The following LRRK1 variants were observed in gnomAD, a reference collection of about 807,000 sequenced individuals.
LRRK1 encodes leucine rich repeat kinase 1.
A neutral mutation model predicts 209.1 loss-of-function variants in LRRK1; 113 were observed. That is an observed-to-expected ratio of 0.54 (90% CI 0.46 to 0.63). LRRK1 has a LOEUF of 0.63. LRRK1 is among the 30% of genes least tolerant of loss of function. The pLI, the probability that LRRK1 is intolerant of heterozygous loss-of-function variation, is 0.00. For missense variants in LRRK1, 2,284 were observed against 2,632.2 expected (o/e 0.87, Z 2.89); for synonymous variants, 1,144 against 1,099.7 (o/e 1.04, Z -0.80).
At position 101,012,088 on chromosome 15, in the gene LRRK1, T is replaced by C; in HGVS notation, c.1362T>C (p.Asp454=). The C allele has an allele frequency of 2.5e-6, 4 of 1,613,294 alleles. No individual in the cohort carries two copies. The highest frequency in any genetic ancestry group is 2.5e-6 in the Non-Finnish European group (3 of 1,179,616). The part of the protein sequence containing the change: ...MAVFWKNHLK[D]VDFSENALKE... ...TCTTTTGGAAAAATCACCTGAAGGA[T>C]GTGGATTTCTCAGAAAACGCACTCA... The change falls in exon 10 of 34, where the codon GAT becomes GAC. Residue 454 remains aspartate (D), a synonymous_variant. Coordinates refer to ENST00000388948, the MANE Select transcript of LRRK1 (RefSeq NM_024652.6).
chr15:100,968,369 G>A (rs75612594), intron 2 of LRRK1, among the ~76,000 whole-genome samples: 4 of 152,084 alleles, frequency 2.6e-5, no homozygotes, highest in Non-Finnish European at 4.4e-5. Flanking sequence ...GAATTTATGG[G>A]TCACAGGGTA....
chr15:101,051,673 C>A (rs1596326593), intron 23 of LRRK1, 38 bp from the exon 24 acceptor site: 1 of 1,599,896 alleles, frequency 6.3e-7, no homozygotes, highest in South Asian at 1.1e-5. Context: ...CCTGCACCAC[C>A]TTCTTGTGAA....
rs2036677988 is a variant in LRRK1 at position 101,068,921 on chromosome 15, C to T, written c.*73C>T. On this transcript the variant is annotated 3_prime_UTR_variant, in exon 34 of 34. Transcript: ENST00000388948. ...GCAGCCTGACCCCTCTGCCATCGGC[C>T]TCTAGTTCTCCAAGGACCTAGAAGA... is the stretch of plus-strand genomic sequence containing the variant. The T allele has an allele frequency of 2.1e-6, 3 of 1,410,934 alleles. No homozygotes were observed. Among genetic ancestry groups the T allele is most frequent in the Non-Finnish European group, 1.9e-6 (2 of 1,046,256 alleles). 87.4% of individuals were successfully genotyped at this position (1,410,934 alleles called of 1,614,324 possible). A position where few individuals can be genotyped will look rare whatever the true frequency, so the allele number is the denominator to read the frequency against.
At chr15:100,954,166 G>A (rs775448226) in intron 2 of LRRK1, among the ~76,000 whole-genome samples, 17 of 151,964 alleles carry the variant, frequency 1.1e-4, no homozygotes, top group Non-Finnish European at 2.2e-4. Context: ...TGCCCGCCTC[G>A]GCCTCCCAAA....
chr15:100,965,796 G>T (rs1331935020), intron 2 of LRRK1, among the ~76,000 whole-genome samples: 1 of 152,064 alleles, frequency 6.6e-6, no homozygotes, highest in African/African-American at 2.4e-5. Flanking sequence ...TTAAAAGCAA[G>T]TAAGATGCCT....
At chr15:101,067,114 C>A (rs2036574593) in intron 33 of LRRK1, 1 of 369,268 alleles carries the variant, frequency 2.7e-6, no homozygotes, top group East Asian at 7.2e-5. Flanking sequence ...TCCACCAGCC[C>A]ACACAGCACC....
chr15:100,951,531 G>GA (rs113799646), intron 2 of LRRK1, among the ~76,000 whole-genome samples: 11,288 of 152,074 alleles, frequency 0.074, 781 homozygotes, highest in African/African-American at 0.18. Context: ...CCAAAAAGTG[G>GA]AAAAACCCAA....
At chr15:100,991,283 T>G (rs1165862132) in intron 6 of LRRK1, among the ~76,000 whole-genome samples, 1 of 152,234 alleles carries the variant, frequency 6.6e-6, no homozygotes, top group Admixed American at 6.5e-5. Context: ...TTCTGTTCAT[T>G]AGTTTTTTTC....
At chr15:101,016,538 T>C (rs959288140) in intron 12 of LRRK1, among the ~76,000 whole-genome samples, 1 of 152,146 alleles carries the variant, frequency 6.6e-6, no homozygotes, top group African/African-American at 2.4e-5. Context: ...CCTCATGACC[T>C]CATCTAAACC....
chr15:101,007,026 C>T (rs977445932), intron 6 of LRRK1, among the ~76,000 whole-genome samples: 18 of 152,234 alleles, frequency 1.2e-4, no homozygotes, highest in African/African-American at 4.1e-4. Flanking sequence ...ACAGACAGAG[C>T]GACAGAGTCC....
intron 1 of LRRK1, among the ~76,000 whole-genome samples, chr15:100,924,040 G>A (rs370655074): frequency 4.3e-4 from 65 of 152,294 alleles, no homozygotes; most frequent in African/African-American, 1.5e-3. Flanking sequence ...TTGGGATGAC[G>A]TGCTCACCTC....
At chr15:101,021,820 T>G (rs2033809193) in intron 13 of LRRK1, 25 bp from the exon 14 acceptor site, 1 of 1,393,384 alleles carries the variant, frequency 7.2e-7, no homozygotes, top group African/African-American at 1.4e-5. Flanking sequence ...GTGTATTCTC[T>G]CGTGGTGGAC....
rs117411853 is a variant in LRRK1, at chr15:101,033,865, T to C, written c.2963+4633T>C. 7.2e-3 allele frequency among the ~76,000 whole-genome samples: 1,102 copies of C among 152,362 alleles called. 16 individuals carry two copies. The highest frequency in any genetic ancestry group is 0.031 in the Middle Eastern group (9 of 294). The stretch of plus-strand genomic sequence containing the variant: ...ATACTATTTTCCACAGAGGCTGTAC[T>C]AATTTACATTACAGCCAACAGCGTA... On this transcript the variant is annotated intron_variant, in intron 20 of 33. Transcript: ENST00000388948.
chr15:100,991,902 T>G (rs544313926), intron 6 of LRRK1, among the ~76,000 whole-genome samples: 24 of 152,336 alleles, frequency 1.6e-4, no homozygotes, highest in Non-Finnish European at 2.8e-4. Flanking sequence ...TTTGAGTTTT[T>G]ATTAGGAAAC....
rs1044457350 is a variant in LRRK1 at position 101,075,590 on chromosome 15, T to C, written c.*6742T>C. On this transcript the variant is annotated 3_prime_UTR_variant, in exon 34 of 34. Coordinates refer to ENST00000388948, the MANE Select transcript of LRRK1 (RefSeq NM_024652.6). ...CTGTTATCACTCTCCTGCTACAGCATGGCCTTTTAAAGCCTATAAACTCTC... is the reference window on the plus strand; with the variant it reads ...CTGTTATCACTCTCCTGCTACAGCACGGCCTTTTAAAGCCTATAAACTCTC... The C allele has an allele frequency of 7.5e-5, 11 of 146,916 alleles. No homozygotes were observed. The highest frequency in any genetic ancestry group is 6.0e-4 in the Admixed American group (9 of 15,030). 9.1% of individuals were successfully genotyped at this position (146,916 alleles called of 1,614,324 possible).
At chr15:101,019,693 G>C (rs575218733) in intron 12 of LRRK1, among the ~76,000 whole-genome samples, 1 of 152,172 alleles carries the variant, frequency 6.6e-6, no homozygotes, top group Non-Finnish European at 1.5e-5. Context: ...AAAGAACTCC[G>C]GCTTCTCTAT....
At chr15:100,950,856 C>T (rs1455933158) in intron 2 of LRRK1, among the ~76,000 whole-genome samples, 1 of 152,250 alleles carries the variant, frequency 6.6e-6, no homozygotes, top group African/African-American at 2.4e-5. Flanking sequence ...GTCATCCCAG[C>T]ACTTTGGGAG....
intron 4 of LRRK1, among the ~76,000 whole-genome samples, chr15:100,987,360 C>T (rs1039693993): frequency 2.0e-5 from 3 of 152,088 alleles, no homozygotes; most frequent in African/African-American, 4.8e-5. Context: ...AAGATGAGGT[C>T]ATTTTTCCAT....
rs115623955 is a variant in LRRK1 at position 101,004,195 on chromosome 15, G to A, written c.763-4642G>A. ...TGCCAGTAGGAAGGCAAAGGGCATCGCTATAGATCAGAGGCTGCTCTGGGT... is the reference window on the plus strand; with the variant it reads ...TGCCAGTAGGAAGGCAAAGGGCATCACTATAGATCAGAGGCTGCTCTGGGT... On this transcript the variant is annotated intron_variant, in intron 6 of 33. Transcript: ENST00000388948. 2.4e-3 allele frequency among the ~76,000 whole-genome samples: 366 copies of A among 152,232 alleles called. 2 individuals carry two copies. Among genetic ancestry groups the A allele is most frequent in the African/African-American group, 8.3e-3 (343 of 41,522 alleles).
Sources: allele counts gnomAD v4.1 joint callset (sites outside exome capture counted in the v4.1 genomes callset), GRCh38; gene constraint gnomAD v4.1.1; transcripts MANE v1.5; gene names NCBI Gene and HGNC (gene_info 2026-07-23, HGNC 2026-07-21).